USP20: variants seen among roughly 807,000 people sequenced by gnomAD.
USP20 encodes the protein ubiquitin specific peptidase 20.
Under a neutral mutation model 124.2 loss-of-function variants are expected in USP20, and 80 were observed. The observed-to-expected ratio is 0.64, with a 90% CI of 0.54 to 0.78. USP20 has a LOEUF of 0.78. Among genes scored for constraint, USP20 ranks in the 30% least tolerant of loss-of-function variants. The probability of loss-of-function intolerance (pLI) is 0.00; values close to 1 mark genes in which losing one functional copy is unlikely to be tolerated. For synonymous variants in USP20, 481 were observed against 512.3 expected, an observed-to-expected ratio of 0.94 and a Z score of 0.83; for missense variants, 1,043 against 1,244.4, an observed-to-expected ratio of 0.84 and a Z score of 2.44.
intron 2 of USP20, among the ~76,000 whole-genome samples, chr9:129,852,261 T>G (rs62586275): frequency 0.17 from 26,060 of 151,802 alleles, 3,288 homozygotes; most frequent in African/African-American, 0.35. Flanking sequence ...TTCTGATCAC[T>G]ACACCTGTCA....
At chr9:129,865,491 C>G (rs1307716376) in intron 10 of USP20, 110 bp downstream of exon 10, 1 of 1,172,034 alleles carries the variant, frequency 8.5e-7, no homozygotes, top group Non-Finnish European at 1.3e-6. Flanking sequence ...CACTGGTTGG[C>G]AGGTCTCACG....
At chr9:129,845,524 G>A (rs1246308935) in intron 1 of USP20, among the ~76,000 whole-genome samples, 1 of 152,048 alleles carries the variant, frequency 6.6e-6, no homozygotes, top group African/African-American at 2.4e-5. Flanking sequence ...AGCATTTTTT[G>A]TTGTTTTTTG....
chr9:129,874,477 G>C (rs1182962834), intron 17 of USP20, 99 bp from the exon 18 acceptor site: 15 of 1,485,516 alleles, frequency 1.0e-5, no homozygotes, highest in Non-Finnish European at 1.4e-5. Context: ...AATGGAGTCA[G>C]CTTGCATGAT....
At chr9:129,870,280 A>G (rs553800552) in intron 14 of USP20, 173 bp from the exon 15 acceptor site, 3 of 635,438 alleles carry the variant, frequency 4.7e-6, no homozygotes, top group Non-Finnish European at 8.4e-6. Context: ...TCGGCCCAGG[A>G]CACGGACGTG....
At chr9:129,840,444 G>A (rs1350332454) in intron 1 of USP20, among the ~76,000 whole-genome samples, 1 of 152,152 alleles carries the variant, frequency 6.6e-6, no homozygotes, top group Admixed American at 6.6e-5. Flanking sequence ...CTGCGATGGG[G>A]CTGCCTGTTC....
chr9:129,877,965 A>C (rs1588292550), intron 22 of USP20, among the ~76,000 whole-genome samples: 1 of 152,004 alleles, frequency 6.6e-6, no homozygotes, highest in East Asian at 1.9e-4. Context: ...CCAGCTACTC[A>C]AGAGGCTGAG....
chr9:129,873,872 T>A, intron 17 of USP20, 128 bp downstream of exon 17: 1 of 1,149,278 alleles, frequency 8.7e-7, no homozygotes, highest in Non-Finnish European at 1.2e-6. Context: ...GGAGACTCCA[T>A]AGCTTTGGCT....
chr9:129,870,960 ACT>A (rs778510077), intron 15 of USP20, among the ~76,000 whole-genome samples: 3 of 147,198 alleles, frequency 2.0e-5, no homozygotes, highest in South Asian at 2.1e-4. Flanking sequence ...CTTTGGGAAA[ACT>A]CTCTCTTTTT....
intron 6 of USP20, among the ~76,000 whole-genome samples, chr9:129,859,362 C>G (rs1237955002): frequency 6.7e-6 from 1 of 149,892 alleles, no homozygotes; most frequent in Admixed American, 6.7e-5. Flanking sequence ...CAACCTCTGC[C>G]TCCTGGGTTC....
intron 15 of USP20, 25 bp from the exon 16 acceptor site, chr9:129,873,457 C>A: frequency 6.2e-7 from 1 of 1,614,184 alleles, no homozygotes. Context: ...TTGCTAACCT[C>A]TGACCCTTTG....
At chr9:129,838,032 G>A (rs62584849) in intron 1 of USP20, among the ~76,000 whole-genome samples, 12,639 of 150,262 alleles carry the variant, frequency 0.084, 596 homozygotes, top group Middle Eastern at 0.14. Flanking sequence ...AGCCATGCAC[G>A]TTGACAACAA....
At position 129,852,061 on chromosome 9, in the gene USP20, G is replaced by A. The variant is rs2032951098; in HGVS notation, c.-16-479G>A. Among the ~76,000 whole-genome samples, 11 of 152,290 alleles carry A rather than the reference G, an allele frequency of 7.2e-5. 1 individual carries two copies. The South Asian group carries it at 2.3e-3, about 32-fold the overall frequency. ...CAGCACTTGGCCTCCAGAGGCTCTT[G>A]AGAAGACCTATGTCAACATCTGCTG... On this transcript the variant is annotated intron_variant, in intron 2 of 25. Coordinates refer to ENST00000372429, the MANE Select transcript of USP20 (RefSeq NM_001110303.4).
At chr9:129,852,480 T>C (rs998449724) in intron 2 of USP20, 60 bp from the exon 3 acceptor site, 14 of 1,481,312 alleles carry the variant, frequency 9.5e-6, no homozygotes, top group Non-Finnish European at 1.3e-5. Context: ...ACCACTCACC[T>C]CCCCACCTCC....
chr9:129,874,672 C>T lies in USP20; in HGVS notation c.1837C>T (p.Arg613Cys), dbSNP rs764023184. The T allele has an allele frequency of 8.7e-6, 14 of 1,613,828 alleles. No individual in the cohort carries two copies. The highest frequency in any genetic ancestry group is 1.6e-4 in the Middle Eastern group (1 of 6,084). Residue 613 changes from arginine to cysteine, a missense_variant, in exon 18 of 26, where the codon CGC becomes TGC. Coordinates refer to ENST00000372429, the MANE Select transcript of USP20 (RefSeq NM_001110303.4). ...CTTCCCCCTCGAGGGGCTCGACCTG[C>T]GCCCCTTCCTTGCCAAGGAGTGCAC... ...VSFPLEGLDL[R>C]PFLAKECTSQ... is the part of the protein sequence containing the mutation.
At position 129,860,701 on chromosome 9, in the gene USP20, G is replaced by T. The variant is rs148813469; in HGVS notation, c.331-236G>T. On this transcript the variant is annotated intron_variant, in intron 6 of 25. Coordinates refer to ENST00000372429, the MANE Select transcript of USP20 (RefSeq NM_001110303.4). ...ATTGTGCCACTGCACTCCAGCCTGGGTGACAAAGCAAGACCCTGTCTCTAA... is the reference window on the plus strand; with the variant it reads ...ATTGTGCCACTGCACTCCAGCCTGGTTGACAAAGCAAGACCCTGTCTCTAA... Among the ~76,000 whole-genome samples, 53 of 152,338 alleles carry T rather than the reference G, an allele frequency of 3.5e-4. 1 individual carries two copies. Among genetic ancestry groups the T allele is most frequent in the African/African-American group, 1.2e-3 (51 of 41,584 alleles).
rs746825367 is a variant in USP20 at position 129,858,551 on chromosome 9, C to T, written c.283C>T (p.Arg95Trp). Residue 95 changes from arginine (R) to tryptophan (W), a missense_variant, in exon 6 of 26, where the codon CGG becomes TGG. Coordinates refer to ENST00000372429, the MANE Select transcript of USP20 (RefSeq NM_001110303.4). Reference sequence around the variant, plus strand: ...TGAGAAGGAGGTATTCCTGGAGCAGCGGCTGGCAGCCCCTCTGCTGGGCTC... The same window carrying T: ...TGAGAAGGAGGTATTCCTGGAGCAGTGGCTGGCAGCCCCTCTGCTGGGCTC... Reference protein sequence around the residue: ...ACEKEVFLEQRLAAPLLGSSS... With the variant: ...ACEKEVFLEQWLAAPLLGSSS... The T allele has an allele frequency of 1.5e-5, 25 of 1,614,074 alleles. No homozygotes were observed. Among genetic ancestry groups the T allele is most frequent in the Middle Eastern group, 1.6e-4 (1 of 6,082 alleles).
At chr9:129,838,778 C>T (rs764999863) in intron 1 of USP20, among the ~76,000 whole-genome samples, 1 of 152,214 alleles carries the variant, frequency 6.6e-6, no homozygotes, top group Non-Finnish European at 1.5e-5. Context: ...TCTGCTCATG[C>T]TTACTCACCA....
intron 1 of USP20, among the ~76,000 whole-genome samples, chr9:129,840,766 CTTTTTT>C (rs34092925): frequency 3.3e-5 from 4 of 120,468 alleles, no homozygotes; most frequent in East Asian, 2.6e-4. Context: ...CCTTTAGAAA[CTTTTTT>C]TTTTTTTTTT....
rs780894173 is a variant in USP20, at chr9:129,865,253, G to C, written c.612-50G>C. ...CTGGCTGCCTGCTTCTCTCGGGAATGAGCAGCTCAAGGCAGGCTACCTGGA... is the reference window on the plus strand; with the variant it reads ...CTGGCTGCCTGCTTCTCTCGGGAATCAGCAGCTCAAGGCAGGCTACCTGGA... On this transcript the variant is annotated intron_variant, in intron 9 of 25. Transcript: ENST00000372429. The C allele has an allele frequency of 3.1e-6, 5 of 1,592,630 alleles. No individual in the cohort carries two copies. In the African/African-American group the frequency reaches 6.7e-5, roughly 21 times the overall value.
Sources: allele counts gnomAD v4.1 joint callset (sites outside exome capture counted in the v4.1 genomes callset), GRCh38; gene constraint gnomAD v4.1.1; transcripts MANE v1.5; gene names NCBI Gene and HGNC (gene_info 2026-07-23, HGNC 2026-07-21).